UBA6: variants seen among roughly 807,000 people sequenced by gnomAD.
The protein encoded by UBA6 is ubiquitin-like modifier-activating enzyme 6.
UBA6 carries 87 observed loss-of-function variants against 148.3 expected under a neutral mutation model. The observed-to-expected ratio is 0.59, with a 90% CI of 0.49 to 0.70. UBA6 has a LOEUF of 0.70. UBA6 is among the 30% of genes least tolerant of loss of function. The pLI is 0.00. For synonymous variants in UBA6, 376 were observed against 401.0 expected (o/e 0.94, Z 0.75); for missense variants, 1,186 against 1,241.2 (o/e 0.96, Z 0.67).
At chr4:67,623,303 T>C in intron 30 of UBA6, 81 bp from the exon 31 acceptor site, 2 of 947,924 alleles carry the variant, frequency 2.1e-6, no homozygotes, top group South Asian at 2.9e-5. Flanking sequence ...AAAAACCCAC[T>C]TTCAGAAGTC....
At position 67,635,424 on chromosome 4, in the gene UBA6, C is replaced by T. The variant is rs748284656; in HGVS notation, c.1842+29G>A. 4.6e-6 allele frequency: 6 copies of T among 1,296,262 alleles called. No individual in the cohort carries two copies. The East Asian group carries it at 9.3e-5, about 20-fold the overall frequency. The allele number at this position is 1,296,262 out of a possible 1,614,324, so 80.3% of individuals were successfully genotyped here. ...CAAAAATTACAAGATATAAAAAAGA[C>T]ATCTATTTCAAAATATTGATTCACT... On this transcript the variant is annotated intron_variant, in intron 20 of 32. Transcript: ENST00000322244.
Position 67,658,777 on chromosome 4 carries a change from A to G in UBA6, c.1104+3412T>C, listed in dbSNP as rs530516087. 2.9e-4 allele frequency among the ~76,000 whole-genome samples: 44 copies of G among 152,366 alleles called. No homozygotes were observed. The South Asian group carries it at 8.9e-3, about 31-fold the overall frequency. Reference sequence around the variant, plus strand: ...AGAAACCAGACTCAAAAGACTACACATACTATATGATTCCATTTATATGAC... The same window carrying G: ...AGAAACCAGACTCAAAAGACTACACGTACTATATGATTCCATTTATATGAC... On this transcript the variant is annotated intron_variant, in intron 13 of 32. Coordinates refer to ENST00000322244, the MANE Select transcript of UBA6 (RefSeq NM_018227.6).
At chr4:67,696,368 C>T (rs1197818660) in intron 2 of UBA6, among the ~76,000 whole-genome samples, 2 of 151,934 alleles carry the variant, frequency 1.3e-5, no homozygotes, top group Admixed American at 1.3e-4. Context: ...CTAATTTTAA[C>T]TTGAGAGGAA....
chr4:67,630,734 T>G (rs1447766605), intron 25 of UBA6, among the ~76,000 whole-genome samples, 199 bp from the exon 26 acceptor site: 2 of 151,906 alleles, frequency 1.3e-5, no homozygotes, highest in Non-Finnish European at 2.9e-5. Context: ...AGACAAAACA[T>G]CAAACAGTTA....
intron 12 of UBA6, 101 bp from the exon 13 acceptor site, chr4:67,662,356 G>A: frequency 9.7e-7 from 1 of 1,035,470 alleles, no homozygotes; most frequent in Non-Finnish European, 1.4e-6. Context: ...AAAAGAATGT[G>A]GGATTTTTGC....
rs1370008300 is a variant in UBA6 at position 67,642,079 on chromosome 4, AT to A, written c.1477-852del. The stretch of plus-strand genomic sequence containing the variant: ...GAGTGTCTCTTTTAATGGAAAAAAA[AT>A]CAAACAGAAAATATCTTTTAACAAA... On this transcript the variant is annotated intron_variant, in intron 17 of 32. Coordinates refer to ENST00000322244, the MANE Select transcript of UBA6 (RefSeq NM_018227.6). 3.9e-5 allele frequency among the ~76,000 whole-genome samples: 6 copies of A among 152,148 alleles called. No individual in the cohort carries two copies. The East Asian group carries it at 1.2e-3, about 29-fold the overall frequency.
At position 67,625,070 on chromosome 4, in the gene UBA6, T is replaced by A. The variant is rs1364931476; in HGVS notation, c.2636A>T (p.Asp879Val). 3 of 1,613,228 alleles carry A rather than the reference T, an allele frequency of 1.9e-6. No individual in the cohort carries two copies. Among genetic ancestry groups the A allele is most frequent in the Non-Finnish European group, 2.5e-6 (3 of 1,179,446 alleles). ...AGCTATGCGCTTTGTTTTGAAACGGTCAGCTGGTTCAATGCTGTACATTTT... is the reference window on the plus strand; with the variant it reads ...AGCTATGCGCTTTGTTTTGAAACGGACAGCTGGTTCAATGCTGTACATTTT... Reference protein sequence around the residue: ...RAKMYSIEPADRFKTKRIAGK... With the variant: ...RAKMYSIEPAVRFKTKRIAGK... The change falls in exon 29 of 33, where the codon GAC (aspartate) becomes GTC (valine). Residue 879 changes from aspartate (D) to valine (V), a missense_variant. Coordinates refer to ENST00000322244, the MANE Select transcript of UBA6 (RefSeq NM_018227.6).
chr4:67,658,244 ATGTT>A (rs1729752248), intron 13 of UBA6, among the ~76,000 whole-genome samples: 2 of 152,238 alleles, frequency 1.3e-5, no homozygotes, highest in Non-Finnish European at 2.9e-5. Context: ...ATTCACACGT[ATGTT>A]TATTGTGGCA....
At chr4:67,644,129 G>A (rs1056468322) in intron 17 of UBA6, among the ~76,000 whole-genome samples, 2 of 151,964 alleles carry the variant, frequency 1.3e-5, no homozygotes, top group East Asian at 1.9e-4. Flanking sequence ...AATCACTAAT[G>A]GAAGACAGTT....
intron 13 of UBA6, among the ~76,000 whole-genome samples, chr4:67,654,356 T>A (rs1342378078): frequency 1.3e-5 from 2 of 152,130 alleles, no homozygotes; most frequent in African/African-American, 4.8e-5. Flanking sequence ...AAACCCTCCA[T>A]GCCAGAAGAG....
Position 67,656,744 on chromosome 4 carries a change from T to C in UBA6, c.1104+5445A>G, listed in dbSNP as rs577051429. 8.2e-3 allele frequency among the ~76,000 whole-genome samples: 1,241 copies of C among 152,268 alleles called. 7 individuals are homozygous for C. Among genetic ancestry groups the C allele is most frequent in the Non-Finnish European group, 0.012 (836 of 68,008 alleles). ...TAGGAAAAGAGGAAGTCAAATTGTC[T>C]CTGTTTGCAGATGACCTGATTGTAT... On this transcript the variant is annotated intron_variant, in intron 13 of 32. Transcript: ENST00000322244.
chr4:67,644,362 C>G (rs1729372580), intron 17 of UBA6, among the ~76,000 whole-genome samples: 2 of 152,088 alleles, frequency 1.3e-5, no homozygotes, highest in Admixed American at 1.3e-4. Context: ...TAAACACTAT[C>G]TAACAGAAAT....
chr4:67,691,909 G>A (rs1730702837), intron 2 of UBA6, among the ~76,000 whole-genome samples: 1 of 152,146 alleles, frequency 6.6e-6, no homozygotes, highest in African/African-American at 2.4e-5. Flanking sequence ...TGATATGGGT[G>A]CAGGATTGCT....
chr4:67,666,984 A>G (rs943337281), intron 9 of UBA6, among the ~76,000 whole-genome samples: 40 of 152,054 alleles, frequency 2.6e-4, no homozygotes, highest in African/African-American at 8.9e-4. Flanking sequence ...AATGTTAAGG[A>G]AAAAAAAGCT....
At chr4:67,650,958 C>T (rs376347925) in intron 13 of UBA6, among the ~76,000 whole-genome samples, 1 of 152,026 alleles carries the variant, frequency 6.6e-6, no homozygotes, top group East Asian at 1.9e-4. Context: ...AATACCTCTC[C>T]ACCACAAAAA....
intron 1 of UBA6, 110 bp downstream of exon 1, chr4:67,700,939 C>T (rs1730966402): frequency 7.3e-7 from 1 of 1,378,274 alleles, no homozygotes; most frequent in Non-Finnish European, 1.0e-6. Context: ...CGGCTCTGCT[C>T]GGCCCCGCGG....
chr4:67,626,245 A>AT, intron 28 of UBA6, 115 bp downstream of exon 28: 1 of 678,312 alleles, frequency 1.5e-6, no homozygotes, highest in Non-Finnish European at 2.6e-6. Context: ...GAAATCAATC[A>AT]ATATTGTCAT....
At chr4:67,699,105 A>T (rs1253223592) in intron 1 of UBA6, among the ~76,000 whole-genome samples, 1 of 152,228 alleles carries the variant, frequency 6.6e-6, no homozygotes, top group Non-Finnish European at 1.5e-5. Flanking sequence ...CCATTTTCAC[A>T]GCATGGCCTT....
chr4:67,640,456 C>A, intron 18 of UBA6, among the ~76,000 whole-genome samples: 1 of 152,050 alleles, frequency 6.6e-6, no homozygotes, highest in Middle Eastern at 3.2e-3. Context: ...AAAGAAAAAA[C>A]TTCTTTTTGT....
Sources: allele counts gnomAD v4.1 joint callset (sites outside exome capture counted in the v4.1 genomes callset), GRCh38; gene constraint gnomAD v4.1.1; transcripts MANE v1.5; gene names NCBI Gene and HGNC (gene_info 2026-07-23, HGNC 2026-07-21).